Variants in ITPKB observed in about 807,000 individuals in gnomAD.
ITPKB encodes the protein IP3 3-kinase B.
ITPKB carries 13 observed loss-of-function variants against 69.4 expected under a neutral mutation model. The ratio of observed to expected loss-of-function variants is 0.19; its 90% CI spans 0.12 to 0.30. ITPKB has a LOEUF of 0.30. Ranked by LOEUF, ITPKB falls within the 10% of genes least tolerant of loss-of-function variation. The probability of loss-of-function intolerance (pLI) is 1.00; values close to 1 mark genes in which losing one functional copy is unlikely to be tolerated. For synonymous variants in ITPKB, 584 were observed against 513.7 expected (o/e 1.14, Z -1.85); for missense variants, 1,240 against 1,250.5 (o/e 0.99, Z 0.13).
intron 2 of ITPKB, among the ~76,000 whole-genome samples, chr1:226,669,959 C>T (rs1422816496): frequency 4.0e-5 from 6 of 151,236 alleles, no homozygotes; most frequent in East Asian, 1.9e-4. Flanking sequence ...CTGCAACCTC[C>T]GCCTCCAGGG....
chr1:226,704,866 CTT>C (rs1656764139), intron 2 of ITPKB, among the ~76,000 whole-genome samples: 1 of 152,184 alleles, frequency 6.6e-6, no homozygotes, highest in Admixed American at 6.5e-5. Flanking sequence ...TCAGAGGCTC[CTT>C]TGCACAGTGG....
intron 2 of ITPKB, among the ~76,000 whole-genome samples, chr1:226,689,886 G>A (rs1022716013): frequency 6.6e-6 from 1 of 152,098 alleles, no homozygotes; most frequent in Non-Finnish European, 1.5e-5. Context: ...CGGTTCCTGT[G>A]TTGGTTTGCT....
chr1:226,737,511 C>G lies in ITPKB; in HGVS notation c.-53G>C. ...CGCGGCTCCCGCTCCTGCTCCGCCGCCGGCGCCTCCTCCTCCCGGCGCTCC... is the reference window on the plus strand; with the variant it reads ...CGCGGCTCCCGCTCCTGCTCCGCCGGCGGCGCCTCCTCCTCCCGGCGCTCC... On this transcript the variant is annotated 5_prime_UTR_variant, in exon 2 of 8. Coordinates refer to ENST00000429204, the MANE Select transcript of ITPKB (RefSeq NM_002221.4). The G allele has an allele frequency of 6.9e-7, 1 of 1,446,250 alleles. No individual in the cohort carries two copies. The highest frequency in any genetic ancestry group is 9.1e-7 in the Non-Finnish European group (1 of 1,100,778). 89.6% of individuals were successfully genotyped at this position (1,446,250 alleles called of 1,614,324 possible).
intron 2 of ITPKB, among the ~76,000 whole-genome samples, chr1:226,686,779 C>T (rs549836739): frequency 2.4e-4 from 36 of 152,348 alleles, no homozygotes; most frequent in Middle Eastern, 3.4e-3. Flanking sequence ...GGTGTGTGTC[C>T]GTTTTTCCTA....
At chr1:226,681,784 C>G (rs534911841) in intron 2 of ITPKB, among the ~76,000 whole-genome samples, 232 of 152,240 alleles carry the variant, frequency 1.5e-3, no homozygotes, top group Middle Eastern at 3.4e-3. Flanking sequence ...TTTGGCAACC[C>G]TGCAAAACAA....
At chr1:226,730,938 G>C (rs936568627) in intron 2 of ITPKB, among the ~76,000 whole-genome samples, 1 of 152,102 alleles carries the variant, frequency 6.6e-6, no homozygotes, top group South Asian at 2.1e-4. Context: ...TAAAAACACC[G>C]ACTGACTGGT....
chr1:226,649,504 G>A (rs1048219892), intron 2 of ITPKB, among the ~76,000 whole-genome samples: 6 of 148,942 alleles, frequency 4.0e-5, no homozygotes, highest in African/African-American at 1.5e-4. Context: ...GTGTGCATGC[G>A]TGATATGTGC....
chr1:226,677,308 T>G (rs973338107), intron 2 of ITPKB, among the ~76,000 whole-genome samples: 3 of 152,180 alleles, frequency 2.0e-5, no homozygotes, highest in Admixed American at 2.0e-4. Context: ...TTCTCTATTA[T>G]TAGCAACCCA....
intron 2 of ITPKB, among the ~76,000 whole-genome samples, chr1:226,684,076 G>A (rs532252773): frequency 5.3e-5 from 8 of 152,228 alleles, no homozygotes; most frequent in Non-Finnish European, 8.8e-5. Context: ...ATGAACTTCC[G>A]TGAGTAGAAA....
Position 226,634,792 on chromosome 1 carries a change from C to T in ITPKB, c.2720G>A (p.Gly907Asp). 3.1e-6 allele frequency: 5 copies of T among 1,593,140 alleles called. No homozygotes were observed. Among genetic ancestry groups the T allele is most frequent in the Non-Finnish European group, 3.4e-6 (4 of 1,160,890 alleles). The change falls in exon 8 of 8, where the codon GGC (glycine) becomes GAC (aspartate). Residue 907 changes from glycine to aspartate, a missense_variant. Coordinates refer to ENST00000429204, the MANE Select transcript of ITPKB (RefSeq NM_002221.4). This position sits in a 1 kb window ranked among gnomAD's most constrained non-coding sequence, Gnocchi z 6.3. ...DFGKTTPLPE[G>D]QTLQHDVPWQ... ...GGGGACGTCATGCTGCAGGGTCTGG[C>T]CCTCAGGCAGGGGCGTGGTTTTCCC...
rs1162509502 is a variant in ITPKB at position 226,736,544 on chromosome 1, T to C, written c.915A>G (p.Glu305=). Residue 305 remains glutamate, a synonymous_variant, in exon 2 of 8, where the codon GAA becomes GAG. Coordinates refer to ENST00000429204, the MANE Select transcript of ITPKB (RefSeq NM_002221.4). ...CAGTGGATGTAACTCTCGCTGCCAC[T>C]TCCGTGGCCATCGTTAAGCTAGCTC... is the stretch of plus-strand genomic sequence containing the variant. ...LFGASLTMAT[E]VAARVTSTGP... 1.1e-5 allele frequency: 18 copies of C among 1,613,964 alleles called. No individual in the cohort carries two copies. The highest frequency in any genetic ancestry group is 1.4e-5 in the Non-Finnish European group (17 of 1,179,996).
At chr1:226,728,246 A>G (rs1286400876) in intron 2 of ITPKB, among the ~76,000 whole-genome samples, 4 of 152,364 alleles carry the variant, frequency 2.6e-5, no homozygotes, top group South Asian at 2.1e-4. Flanking sequence ...CAAATAAAAA[A>G]TGCTGTATTG....
At chr1:226,694,979 CA>C (rs1448515993) in intron 2 of ITPKB, among the ~76,000 whole-genome samples, 1 of 152,220 alleles carries the variant, frequency 6.6e-6, no homozygotes, top group Non-Finnish European at 1.5e-5. Flanking sequence ...CCTGTAATCC[CA>C]GCACTCTGGG....
At chr1:226,707,425 G>A in intron 2 of ITPKB, 3 of 496,516 alleles carry the variant, frequency 6.0e-6, no homozygotes, top group Non-Finnish European at 7.8e-6. Flanking sequence ...TCAATCTCTT[G>A]ACCTCAGGTG....
chr1:226,737,277 G>A lies in ITPKB; in HGVS notation c.182C>T (p.Ala61Val). ...GRGASFLFPP[A>V]ESLSPEEPRS... ...GGGCTCCTCGGGGGACAGCGACTCG[G>A]CTGGGGGGAAGAGGAAAGAGGCGCC... Residue 61 changes from alanine to valine, a missense_variant, in exon 2 of 8, where the codon GCC becomes GTC. By Grantham distance (64) the Ala-to-Val change is moderately conservative (BLOSUM62 0). Around this residue, in one of 2 missense-constraint regions of ITPKB, gnomAD observed 992 missense variants for 853.8 expected, o/e 1.16. Coordinates refer to ENST00000429204, the MANE Select transcript of ITPKB (RefSeq NM_002221.4). The A allele has an allele frequency of 6.4e-7, 1 of 1,555,694 alleles. No homozygotes were observed.
chr1:226,652,629 A>C (rs1306225250), intron 2 of ITPKB, among the ~76,000 whole-genome samples: 3 of 152,136 alleles, frequency 2.0e-5, no homozygotes, highest in Non-Finnish European at 2.9e-5. Flanking sequence ...GGAAATACAA[A>C]AGTGGCCTTC....
chr1:226,672,475 C>A (rs1469428153), intron 2 of ITPKB, among the ~76,000 whole-genome samples: 3 of 152,180 alleles, frequency 2.0e-5, no homozygotes, highest in Non-Finnish European at 4.4e-5. Context: ...CTTTGAAAAC[C>A]TGCTTGTAAC....
intron 2 of ITPKB, among the ~76,000 whole-genome samples, chr1:226,655,418 G>C (rs1349636445): frequency 6.6e-6 from 1 of 152,166 alleles, no homozygotes; most frequent in Non-Finnish European, 1.5e-5. Flanking sequence ...AGGCCTGCAG[G>C]CCTCTGTGGC....
intron 4 of ITPKB, among the ~76,000 whole-genome samples, chr1:226,645,311 A>G (rs549145559): frequency 6.6e-6 from 1 of 152,274 alleles, no homozygotes; most frequent in African/African-American, 2.4e-5. Flanking sequence ...TCTGCCTGCC[A>G]AGATGGGTTA....
Sources: allele counts gnomAD v4.1 joint callset (sites outside exome capture counted in the v4.1 genomes callset), GRCh38; gene constraint gnomAD v4.1.1; regional missense constraint gnomAD v4.1.1; non-coding constraint Gnocchi (gnomAD v3.1); transcripts MANE v1.5; gene names NCBI Gene and HGNC (gene_info 2026-07-23, HGNC 2026-07-21).